Variants in SNX30 observed in about 807,000 individuals in gnomAD.
The protein encoded by SNX30 is sorting nexin family member 30.
SNX30 carries 24 observed loss-of-function variants against 46.4 expected under a neutral mutation model. The ratio of observed to expected loss-of-function variants is 0.52; its 90% CI spans 0.37 to 0.73. The LOEUF is 0.73. SNX30 is among the 30% of genes least tolerant of loss of function. The pLI is 0.00. For missense variants in SNX30, 533 were observed against 555.7 expected (o/e 0.96, Z 0.41); for synonymous variants, 189 against 211.5 (o/e 0.89, Z 0.92).
At position 112,824,199 on chromosome 9, in the gene SNX30, A is replaced by G. The variant is rs867183766; in HGVS notation, c.459+6384A>G. The stretch of plus-strand genomic sequence containing the variant: ...AACAAATATGCTATTGTTTCAGATT[A>G]TAAAACAGCTTTATAAACTAATATG... On this transcript the variant is annotated intron_variant, in intron 3 of 8. Transcript: ENST00000374232. Among the ~76,000 whole-genome samples the G allele has an allele frequency of 6.6e-5, 10 of 152,244 alleles. No homozygotes were observed. The South Asian group carries it at 1.9e-3, about 28-fold the overall frequency.
At chr9:112,794,513 A>G (rs1840078192) in intron 1 of SNX30, among the ~76,000 whole-genome samples, 1 of 152,184 alleles carries the variant, frequency 6.6e-6, no homozygotes, top group African/African-American at 2.4e-5. Context: ...GAAAAGTAAT[A>G]TGCAGTCTGT....
intron 7 of SNX30, among the ~76,000 whole-genome samples, chr9:112,856,436 G>T (rs2131492209): frequency 6.6e-6 from 1 of 151,276 alleles, no homozygotes; most frequent in Admixed American, 6.6e-5. Context: ...AGTGTGTGGG[G>T]GTGGGTGTGG....
Position 112,751,133 on chromosome 9 carries a change from G to A in SNX30, c.132G>A (p.Leu44=). The part of the protein sequence containing the change: ...GGDSTPSPDL[L]MARSFGDKDL... ...ACAGCACGCCCAGCCCGGACCTGCT[G>A]ATGGCCCGCAGCTTCGGTGACAAGG... Residue 44 remains leucine, a synonymous_variant, in exon 1 of 9, where the codon CTG becomes CTA. Transcript: ENST00000374232. 1 of 1,501,094 alleles carries A rather than the reference G, an allele frequency of 6.7e-7. No individual in the cohort carries two copies. Among genetic ancestry groups the A allele is most frequent in the Non-Finnish European group, 8.8e-7 (1 of 1,132,294 alleles). 93.0% of individuals were successfully genotyped at this position (1,501,094 alleles called of 1,614,324 possible).
intron 7 of SNX30, among the ~76,000 whole-genome samples, chr9:112,854,989 G>A (rs1345495789): frequency 6.6e-6 from 1 of 152,184 alleles, no homozygotes; most frequent in Non-Finnish European, 1.5e-5. Context: ...TGTTTTCTGG[G>A]TTTGCTGTCA....
At chr9:112,765,053 C>A (rs1285808662) in intron 1 of SNX30, among the ~76,000 whole-genome samples, 1 of 152,114 alleles carries the variant, frequency 6.6e-6, no homozygotes, top group Admixed American at 6.5e-5. Context: ...TCAACCTGGG[C>A]CAATCAACAG....
chr9:112,836,738 C>A (rs1367570904), intron 5 of SNX30, among the ~76,000 whole-genome samples: 1 of 152,160 alleles, frequency 6.6e-6, no homozygotes, highest in Non-Finnish European at 1.5e-5. Flanking sequence ...CCATAGGGAA[C>A]AATAATTTAG....
intron 1 of SNX30, among the ~76,000 whole-genome samples, chr9:112,781,798 A>ATTT (rs34248700): frequency 7.2e-6 from 1 of 139,674 alleles, no homozygotes; most frequent in Non-Finnish European, 1.6e-5. Context: ...CGCTTGGCTA[A>ATTT]TTTTTTTTTT....
intron 3 of SNX30, among the ~76,000 whole-genome samples, chr9:112,820,130 C>T (rs538321126): frequency 8.5e-5 from 13 of 152,272 alleles, no homozygotes; most frequent in South Asian, 2.1e-4. Flanking sequence ...GAAGAATTTC[C>T]GGAATGCCCA....
chr9:112,816,635 T>C (rs1840399618), intron 2 of SNX30, among the ~76,000 whole-genome samples: 1 of 152,212 alleles, frequency 6.6e-6, no homozygotes. Context: ...GAAATCATAA[T>C]TTTTGATGCT....
At chr9:112,755,436 T>C (rs1018823184) in intron 1 of SNX30, among the ~76,000 whole-genome samples, 4 of 151,926 alleles carry the variant, frequency 2.6e-5, no homozygotes, top group African/African-American at 4.8e-5. Flanking sequence ...TCAGATTATA[T>C]TGAATGTGGC....
chr9:112,832,061 G>A (rs1385338322), intron 4 of SNX30, among the ~76,000 whole-genome samples: 7 of 152,096 alleles, frequency 4.6e-5, no homozygotes, highest in Non-Finnish European at 8.8e-5. Context: ...AGAGTGTGCC[G>A]TTCTTCACTC....
At chr9:112,774,272 A>T (rs2131368004) in intron 1 of SNX30, among the ~76,000 whole-genome samples, 1 of 152,344 alleles carries the variant, frequency 6.6e-6, no homozygotes, top group East Asian at 1.9e-4. Flanking sequence ...TGGCTCTTTG[A>T]AAAAGAAATC....
chr9:112,860,037 C>G (rs1841202851), intron 7 of SNX30, among the ~76,000 whole-genome samples: 1 of 152,124 alleles, frequency 6.6e-6, no homozygotes, highest in Non-Finnish European at 1.5e-5. Context: ...CCTCCACCTC[C>G]CTGGATCAAG....
At chr9:112,793,132 A>G (rs575323482) in intron 1 of SNX30, among the ~76,000 whole-genome samples, 1 of 152,286 alleles carries the variant, frequency 6.6e-6, no homozygotes, top group South Asian at 2.1e-4. Context: ...AGTGGATTAT[A>G]TTGGATCCTC....
At chr9:112,825,536 C>A (rs1427538122) in intron 3 of SNX30, among the ~76,000 whole-genome samples, 1 of 152,144 alleles carries the variant, frequency 6.6e-6, no homozygotes, top group African/African-American at 2.4e-5. Flanking sequence ...TCAAGCAATC[C>A]TCCCAGCTTG....
intron 1 of SNX30, among the ~76,000 whole-genome samples, chr9:112,753,709 C>A (rs1839309534): frequency 6.6e-6 from 1 of 152,190 alleles, no homozygotes; most frequent in Non-Finnish European, 1.5e-5. Flanking sequence ...AATGAATCTC[C>A]TAACAGCTGT....
chr9:112,795,651 C>A (rs1479902729), intron 1 of SNX30, among the ~76,000 whole-genome samples: 4 of 151,878 alleles, frequency 2.6e-5, no homozygotes, highest in Non-Finnish European at 5.9e-5. Context: ...GTGGGCTGTT[C>A]CTGGAAGGTT....
At chr9:112,855,361 C>T (rs1841105615) in intron 7 of SNX30, among the ~76,000 whole-genome samples, 1 of 152,106 alleles carries the variant, frequency 6.6e-6, no homozygotes, top group African/African-American at 2.4e-5. Context: ...GAGAGGTCCC[C>T]TGGTATGGGC....
chr9:112,751,269 C>G, intron 1 of SNX30, 112 bp downstream of exon 1: 1 of 1,230,398 alleles, frequency 8.1e-7, no homozygotes, highest in Non-Finnish European at 1.0e-6. Flanking sequence ...CGCCCCTTCC[C>G]GGGGGACGGG....
Sources: allele counts gnomAD v4.1 joint callset (sites outside exome capture counted in the v4.1 genomes callset), GRCh38; gene constraint gnomAD v4.1.1; transcripts MANE v1.5; gene names NCBI Gene and HGNC (gene_info 2026-07-23, HGNC 2026-07-21).